POLR2F: variants seen among roughly 807,000 people sequenced by gnomAD.
POLR2F encodes DNA-directed RNA polymerases I, II, and III subunit RPABC2.
A neutral mutation model predicts 22.7 loss-of-function variants in POLR2F; 12 were observed. That is an observed-to-expected ratio of 0.53 (90% CI 0.34 to 0.86). POLR2F has a LOEUF of 0.86. POLR2F is among the 40% of genes least tolerant of loss of function. The probability of loss-of-function intolerance (pLI) is 0.02; values close to 1 mark genes in which losing one functional copy is unlikely to be tolerated. For missense variants in POLR2F, 126 were observed against 171.5 expected (o/e 0.73, Z 1.48); for synonymous variants, 57 against 66.0 (o/e 0.86, Z 0.66).
At position 37,986,373 on chromosome 22, in the gene POLR2F, G is replaced by A. The variant is rs548558056; in HGVS notation, c.120+61G>A. 188 of 1,528,142 alleles carry A rather than the reference G, an allele frequency of 1.2e-4. 2 individuals carry two copies. Among genetic ancestry groups the A allele is most frequent in the Middle Eastern group, 1.2e-3 (6 of 4,968 alleles). 94.7% of individuals were successfully genotyped at this position (1,528,142 alleles called of 1,614,324 possible). On this transcript the variant is annotated intron_variant, in intron 1 of 2. Coordinates refer to the POLR2F transcript ENST00000333418. The surrounding 1 kb of genome is among the most constrained non-coding windows in gnomAD (Gnocchi z 4.7). ...TCCTCTTTGAGGAAAGGACCTCCCC[G>A]CTCTCTGCTGTGTCTGTGACTGGCC...
upstream of POLR2F, chr22:37,983,400 G>A (rs1932462525): frequency 1.2e-6 from 2 of 1,610,530 alleles, no homozygotes; most frequent in Non-Finnish European, 1.7e-6. The surrounding 1 kb of genome is among the most constrained non-coding windows in gnomAD (Gnocchi z 9.5). Flanking sequence ...GCGTTGTGCA[G>A]GTGCGGGTAC....
intron 1 of POLR2F, among the ~76,000 whole-genome samples, chr22:38,009,104 C>T (rs140368449): frequency 5.3e-5 from 8 of 152,172 alleles, no homozygotes; most frequent in African/African-American, 1.7e-4. Context: ...CAGGTGGGAG[C>T]GTGGCCGGAG....
chr22:37,985,965 G>A, upstream of POLR2F: 1 of 944,180 alleles, frequency 1.1e-6, no homozygotes, highest in Non-Finnish European at 1.5e-6. Flanking sequence ...GCTGGCCTTG[G>A]ACAATCTCCC....
At chr22:37,975,653 A>G (rs1163617522) in intron 4 of POLR2F, among the ~76,000 whole-genome samples, 1 of 152,204 alleles carries the variant, frequency 6.6e-6, no homozygotes, top group Non-Finnish European at 1.5e-5. Context: ...CAAGTCCTGC[A>G]TTGGCCAAGG....
At chr22:38,040,826 C>T in intron 5 of POLR2F, 1 of 562,822 alleles carries the variant, frequency 1.8e-6, no homozygotes, top group South Asian at 2.3e-5. Context: ...TTTGGGCTTG[C>T]TGTCCTGCAC....
intron 1 of POLR2F, among the ~76,000 whole-genome samples, chr22:37,996,723 G>T (rs985632029): frequency 5.9e-5 from 9 of 152,154 alleles, no homozygotes; most frequent in Non-Finnish European, 7.4e-5. Context: ...CTTGGGTGGG[G>T]CACAGCCCCT....
At chr22:38,010,963 A>G (rs2084867178) in intron 1 of POLR2F, among the ~76,000 whole-genome samples, 1 of 152,092 alleles carries the variant, frequency 6.6e-6, no homozygotes, top group African/African-American at 2.4e-5. Flanking sequence ...TTGAGGAAGT[A>G]TAAGTTATCA....
chr22:38,026,043 G>A (rs759587129), exon 2 of POLR2F: 8 of 539,290 alleles, frequency 1.5e-5, no homozygotes, highest in South Asian at 5.6e-5. Context: ...TGAATAAGAC[G>A]GACTCTGCTG....
chr22:37,973,990 C>T (rs774324385), downstream of POLR2F: 24 of 1,612,880 alleles, frequency 1.5e-5, no homozygotes, highest in Middle Eastern at 1.6e-4. Flanking sequence ...GCCCATTGGG[C>T]GGCAGGTACT....
rs576120663 is a variant in POLR2F at position 38,018,169 on chromosome 22, C to T, written c.121-7700C>T. 1.2e-4 allele frequency among the ~76,000 whole-genome samples: 18 copies of T among 152,276 alleles called. No homozygotes were observed. The South Asian group carries it at 2.1e-3, about 18-fold the overall frequency. ...GGCTGTGATCGAAACCAGGGCTCAT[C>T]TGTGAACTTTCGTTCATTCTGGGAG... On this transcript the variant is annotated intron_variant, in intron 1 of 2. Coordinates refer to the POLR2F transcript ENST00000333418.
intron 5 of POLR2F, among the ~76,000 whole-genome samples, chr22:38,038,549 C>A (rs1045107318): frequency 6.6e-6 from 1 of 152,162 alleles, no homozygotes; most frequent in African/African-American, 2.4e-5. Context: ...CCCCACCTTC[C>A]GCCGTGGCCT....
At chr22:38,014,116 C>G (rs973008217) in intron 1 of POLR2F, among the ~76,000 whole-genome samples, 2 of 129,620 alleles carry the variant, frequency 1.5e-5, no homozygotes, top group Admixed American at 8.3e-5. Flanking sequence ...GAGTGAAACT[C>G]TGTCTCAAAA....
Position 37,997,257 on chromosome 22 carries a change from C to A in POLR2F, c.120+10945C>A, listed in dbSNP as rs918306482. Among the ~76,000 whole-genome samples the A allele has an allele frequency of 3.9e-5, 6 of 152,120 alleles. No homozygotes were observed. Among genetic ancestry groups the A allele is most frequent in the African/African-American group, 1.4e-4 (6 of 41,418 alleles). The stretch of plus-strand genomic sequence containing the variant: ...TCTCCCTTCTTTTCCACTTCGGCCT[C>A]CACCTTGTTTCTTTCTCTGTCCATT... On this transcript the variant is annotated intron_variant, in intron 1 of 2. Coordinates refer to the POLR2F transcript ENST00000333418. The surrounding 1 kb of genome is among the most constrained non-coding windows in gnomAD (Gnocchi z 4.4).
chr22:37,962,769 C>T (rs1239443333), intron 3 of POLR2F, among the ~76,000 whole-genome samples: 4 of 152,124 alleles, frequency 2.6e-5, no homozygotes. Flanking sequence ...TGGCTCACTG[C>T]AAGCTCTGCC....
chr22:38,032,259 A>G (rs2085072672), intron 5 of POLR2F: 1 of 152,128 alleles, frequency 6.6e-6, no homozygotes, highest in South Asian at 2.1e-4. Flanking sequence ...TGGCCTCCCA[A>G]AGTGCCAGGG....
At chr22:37,969,368 A>G (rs1191984044), downstream of POLR2F, 4 of 969,870 alleles carry the variant, frequency 4.1e-6, no homozygotes, top group East Asian at 4.6e-4. Flanking sequence ...ATTTCCAGAA[A>G]CACCTGACCC....
chr22:38,005,716 AC>A (rs1184042974), intron 1 of POLR2F, among the ~76,000 whole-genome samples: 1 of 152,186 alleles, frequency 6.6e-6, no homozygotes, highest in African/African-American at 2.4e-5. Context: ...CCAGAGCAGT[AC>A]CCTCTGAGCG....
At chr22:37,999,813 G>T (rs1159661008) in intron 1 of POLR2F, among the ~76,000 whole-genome samples, 1 of 152,192 alleles carries the variant, frequency 6.6e-6, no homozygotes, top group Admixed American at 6.5e-5. Context: ...GGTAAGAGAA[G>T]GTAACAGGTG....
At chr22:38,030,412 G>A (rs142932582), downstream of POLR2F, among the ~76,000 whole-genome samples, 150 of 152,276 alleles carry the variant, frequency 9.9e-4, no homozygotes, top group African/African-American at 3.5e-3. Context: ...AAGCTTCCAA[G>A]GTAATATCAA....
Sources: gnomAD v4.1 joint callset for allele counts (sites outside exome capture counted in the v4.1 genomes callset) on GRCh38, gnomAD v4.1.1 for gene constraint, Gnocchi (gnomAD v3.1) non-coding constraint, MANE v1.5 for transcripts, NCBI Gene and HGNC (gene_info 2026-07-23, HGNC 2026-07-21) for gene names.